C5: variants seen among roughly 807,000 people sequenced by gnomAD.
C5 encodes C3 and PZP-like alpha-2-macroglobulin domain-containing protein 4.
In C5, 140 loss-of-function variants were observed where a neutral mutation model predicts 218.8. The observed-to-expected ratio is 0.64, with a 90% CI of 0.56 to 0.74. C5 has a LOEUF of 0.74. Ranked by LOEUF, C5 falls within the 30% of genes least tolerant of loss-of-function variation. The pLI is 0.00. For missense variants in C5, 1,700 were observed against 1,969.6 expected, an observed-to-expected ratio of 0.86 and a Z score of 2.59; for synonymous variants, 614 against 682.3, an observed-to-expected ratio of 0.90 and a Z score of 1.56.
At chr9:120,969,239 T>C in intron 32 of C5, 121 bp from the exon 33 acceptor site, 3 of 823,242 alleles carry the variant, frequency 3.6e-6, no homozygotes, top group Non-Finnish European at 6.3e-6. Flanking sequence ...TAAAAATGAT[T>C]TGTGATTTGG....
At chr9:121,033,378 T>G (rs2047494520) in intron 5 of C5, among the ~76,000 whole-genome samples, 1 of 152,202 alleles carries the variant, frequency 6.6e-6, no homozygotes, top group African/African-American at 2.4e-5. Flanking sequence ...AGCAAGAGAT[T>G]ACATTACATC....
At chr9:120,966,664 T>G (rs1270033612) in intron 33 of C5, among the ~76,000 whole-genome samples, 1 of 151,658 alleles carries the variant, frequency 6.6e-6, no homozygotes, top group African/African-American at 2.4e-5. Context: ...TGCCCAAGGG[T>G]AGGAATGGCA....
chr9:120,984,489 C>T (rs1054962557), intron 25 of C5, among the ~76,000 whole-genome samples: 1 of 152,088 alleles, frequency 6.6e-6, no homozygotes. Context: ...CTTCTTTTAG[C>T]AGGCTAGAAA....
chr9:121,066,527 A>T, the C5 span, among the ~76,000 whole-genome samples: 1 of 151,958 alleles, frequency 6.6e-6, no homozygotes, highest in African/African-American at 2.4e-5. Context: ...AAGTTGCAAC[A>T]GTCATAGCCT....
intron 5 of C5, among the ~76,000 whole-genome samples, chr9:121,034,059 T>G (rs1017678462): frequency 5.3e-5 from 8 of 152,122 alleles, no homozygotes; most frequent in Non-Finnish European, 7.3e-5. Context: ...TAGCTGGGAT[T>G]ACAGGTGCCT....
chr9:120,987,853 C>T lies in C5; in HGVS notation c.3230+1193G>A, dbSNP rs186529045. 1.5e-3 allele frequency among the ~76,000 whole-genome samples: 229 copies of T among 151,924 alleles called. 1 individual carries two copies. Among genetic ancestry groups the T allele is most frequent in the Non-Finnish European group, 2.7e-3 (183 of 67,944 alleles). ...TGTCACCCGGGCTGGAGTGCAGTAG[C>T]GCGATCTCGGCTCACTGTAACCCTT... On this transcript the variant is annotated intron_variant, in intron 25 of 40. Coordinates refer to ENST00000223642, the MANE Select transcript of C5 (RefSeq NM_001735.3).
chr9:120,993,421 T>TCA (rs142988863), intron 22 of C5, among the ~76,000 whole-genome samples: 23 of 150,842 alleles, frequency 1.5e-4, no homozygotes, highest in South Asian at 2.1e-4. Flanking sequence ...AACAATAGAG[T>TCA]TATATATATA....
At chr9:121,033,515 G>A (rs371322632) in intron 5 of C5, among the ~76,000 whole-genome samples, 19 of 152,244 alleles carry the variant, frequency 1.2e-4, no homozygotes, top group Admixed American at 2.6e-4. Context: ...GCAAAGGCAC[G>A]GAGGTAGGAA....
At chr9:121,063,946 G>T in the C5 span, among the ~76,000 whole-genome samples, 8 of 152,016 alleles carry the variant, frequency 5.3e-5, no homozygotes, top group African/African-American at 1.9e-4. Flanking sequence ...TGGTTATTCT[G>T]GGGAAAATGG....
chr9:121,024,637 A>G (rs2131783377), intron 9 of C5, among the ~76,000 whole-genome samples: 2 of 151,880 alleles, frequency 1.3e-5, no homozygotes, highest in East Asian at 3.9e-4. Flanking sequence ...CTGTCTAGCA[A>G]CTCTGCCTCA....
At chr9:120,961,643 A>G in intron 36 of C5, 78 bp from the exon 37 acceptor site, 1 of 899,124 alleles carries the variant, frequency 1.1e-6, no homozygotes, top group Non-Finnish European at 1.9e-6. Context: ...AGTGTCTTAC[A>G]TGGAGCCTCA....
the C5 span, among the ~76,000 whole-genome samples, chr9:121,067,800 G>T: frequency 6.6e-6 from 1 of 151,956 alleles, no homozygotes; most frequent in South Asian, 2.1e-4. Flanking sequence ...CTCTCCTCCT[G>T]CTGCTTCAAA....
rs182187037 is a variant in C5 at position 121,008,219 on chromosome 9, C to T, written c.2348+189G>A. ...CTTCATTCTGACCTGGAGCCAATCA[C>T]CAGTACGATGTATATTAAAAAAATA... is the stretch of plus-strand genomic sequence containing the variant. On this transcript the variant is annotated intron_variant, in intron 18 of 40. Transcript: ENST00000223642. 2.8e-4 allele frequency among the ~76,000 whole-genome samples: 43 copies of T among 152,058 alleles called. No homozygotes were observed. In the East Asian group the frequency reaches 6.0e-3, roughly 21 times the overall value.
At chr9:121,044,120 T>C (rs1412127203) in intron 2 of C5, among the ~76,000 whole-genome samples, 1 of 152,174 alleles carries the variant, frequency 6.6e-6, no homozygotes, top group Admixed American at 6.5e-5. Flanking sequence ...TCTATAAATA[T>C]TCTGCACCCA....
the C5 span, among the ~76,000 whole-genome samples, chr9:121,064,120 TTTG>T: frequency 1.3e-5 from 2 of 152,188 alleles, no homozygotes; most frequent in Non-Finnish European, 2.9e-5. Flanking sequence ...CTTTTTATTT[TTTG>T]TTTTTTTAAA....
At chr9:121,007,151 T>C (rs566975388) in intron 18 of C5, among the ~76,000 whole-genome samples, 174 bp from the exon 19 acceptor site, 1 of 152,194 alleles carries the variant, frequency 6.6e-6, no homozygotes, top group African/African-American at 2.4e-5. Context: ...ATTCAGTAAC[T>C]CTCTTATATA....
chr9:120,971,055 C>G (rs1049635143), intron 31 of C5, among the ~76,000 whole-genome samples: 2 of 151,642 alleles, frequency 1.3e-5, no homozygotes, highest in African/African-American at 4.8e-5. Context: ...GCCTGTAATC[C>G]CACCTACTTG....
intron 1 of C5, among the ~76,000 whole-genome samples, chr9:121,049,510 T>A (rs2047655495): frequency 6.6e-6 from 1 of 152,140 alleles, no homozygotes; most frequent in Admixed American, 6.6e-5. Flanking sequence ...AAAATTGAAG[T>A]GATAAACAGG....
chr9:120,952,927 T>C, intron 40 of C5, 59 bp from the exon 41 acceptor site: 2 of 1,593,000 alleles, frequency 1.3e-6, no homozygotes, highest in Non-Finnish European at 1.7e-6. Flanking sequence ...GAATTTGATT[T>C]CTTTATTTTT....
Sources: gnomAD v4.1 joint callset for allele counts (sites outside exome capture counted in the v4.1 genomes callset) on GRCh38, gnomAD v4.1.1 for gene constraint, MANE v1.5 for transcripts, NCBI Gene and HGNC (gene_info 2026-07-23, HGNC 2026-07-21) for gene names.